The following RBM33 variants were observed in gnomAD, a reference collection of about 807,000 sequenced individuals.
RBM33 encodes RNA-binding protein 33.
Under a neutral mutation model 132.6 loss-of-function variants are expected in RBM33, and 28 were observed. That is an observed-to-expected ratio of 0.21 (90% CI 0.16 to 0.29). RBM33 has a LOEUF of 0.29. RBM33 is among the 10% of genes least tolerant of loss of function. The pLI is 1.00. For synonymous variants in RBM33, 634 were observed against 593.0 expected, an observed-to-expected ratio of 1.07 and a Z score of -1.01; for missense variants, 1,291 against 1,518.5, an observed-to-expected ratio of 0.85 and a Z score of 2.49.
rs1802735755 is a variant in RBM33, at chr7:155,779,368, G to A, written c.*4327G>A. On this transcript the variant is annotated 3_prime_UTR_variant, in exon 18 of 18. Transcript: ENST00000401878. Reference sequence around the variant, plus strand: ...CGGAGGCACCCGACTACCACCACTCGGAAAGCCGCTAGTCCAGATCGACTA... The same window carrying A: ...CGGAGGCACCCGACTACCACCACTCAGAAAGCCGCTAGTCCAGATCGACTA... 2.6e-5 allele frequency: 4 copies of A among 152,110 alleles called. No homozygotes were observed. Among genetic ancestry groups the A allele is most frequent in the Admixed American group, 2.0e-4 (3 of 15,268 alleles). The allele number at this position is 152,110 out of a possible 1,614,324, so 9.4% of individuals were successfully genotyped here.
At chr7:155,669,529 T>A (rs1238365827) in intron 2 of RBM33, among the ~76,000 whole-genome samples, 1 of 152,154 alleles carries the variant, frequency 6.6e-6, no homozygotes, top group African/African-American at 2.4e-5. Context: ...ATATTTATAT[T>A]TTTAGTAGAG....
chr7:155,659,376 T>C (rs917485722), intron 1 of RBM33, among the ~76,000 whole-genome samples: 2 of 152,036 alleles, frequency 1.3e-5, no homozygotes, highest in Admixed American at 1.3e-4. Context: ...TGGAGAATGA[T>C]ATATGAAGAA....
At chr7:155,672,962 A>G (rs1020663434) in intron 3 of RBM33, 47 bp downstream of exon 3, 2 of 1,279,036 alleles carry the variant, frequency 1.6e-6, no homozygotes, top group Admixed American at 2.1e-5. Context: ...TCATTTAATT[A>G]TACTTAACAT....
intron 5 of RBM33, among the ~76,000 whole-genome samples, chr7:155,695,420 G>A (rs906337874): frequency 2.0e-5 from 3 of 151,872 alleles, no homozygotes; most frequent in African/African-American, 4.8e-5. Context: ...TTACATATTC[G>A]TATTATAAAT....
chr7:155,644,850 GGCTGAAGGCCGGGCCCC>G lies in RBM33; in HGVS notation c.-24_-8del, dbSNP rs1478229883. The G allele has an allele frequency of 6.8e-7, 1 of 1,477,740 alleles. No individual in the cohort carries two copies. Among genetic ancestry groups the G allele is most frequent in the Admixed American group, 2.2e-5 (1 of 45,028 alleles). 91.5% of individuals were successfully genotyped at this position (1,477,740 alleles called of 1,614,324 possible). ...GCCCACCAGCTGGCTTGGTGGGGGA[GGCTGAAGGCCGGGCCCC>G]GCGAGTGCCATGGCGGCCGCCCTGG... On this transcript the variant is annotated 5_prime_UTR_variant, in exon 1 of 18. Transcript: ENST00000401878.
chr7:155,716,319 T>TTTTTTTTTTTG (rs1800462013), intron 8 of RBM33, among the ~76,000 whole-genome samples: 1 of 146,720 alleles, frequency 6.8e-6, no homozygotes, highest in African/African-American at 2.5e-5. Flanking sequence ...TTCTGCTGTT[T>TTTTTTTTTTTG]TTTTTTTTTT....
chr7:155,693,223 T>C (rs1276888156), intron 5 of RBM33, among the ~76,000 whole-genome samples: 1 of 152,224 alleles, frequency 6.6e-6, no homozygotes, highest in Non-Finnish European at 1.5e-5. Flanking sequence ...TCTTTTTCCT[T>C]TTTAAATATG....
At position 155,775,069 on chromosome 7, in the gene RBM33, C is replaced by G. The variant is rs1194992463; in HGVS notation, c.*28C>G. ...CCTAACAAGAGAGCCTGACCTTAGG[C>G]TGTACACACACTGTGGAATTTCTTC... On this transcript the variant is annotated 3_prime_UTR_variant, in exon 18 of 18. Transcript: ENST00000401878. 1.3e-6 allele frequency: 2 copies of G among 1,597,100 alleles called. No homozygotes were observed. Among genetic ancestry groups the G allele is most frequent in the Non-Finnish European group, 1.7e-6 (2 of 1,164,542 alleles).
chr7:155,759,235 A>C (rs995645001), intron 14 of RBM33, among the ~76,000 whole-genome samples: 41 of 152,164 alleles, frequency 2.7e-4, no homozygotes, highest in Admixed American at 3.3e-4. Context: ...AATAGAGATC[A>C]AGCCTACTTA....
intron 1 of RBM33, among the ~76,000 whole-genome samples, chr7:155,652,235 G>T (rs781319999): frequency 2.6e-5 from 4 of 152,152 alleles, no homozygotes; most frequent in Non-Finnish European, 5.9e-5. Context: ...TTCTGTAAAG[G>T]GTCAGATAGT....
At chr7:155,747,266 C>T (rs1801547528) in intron 14 of RBM33, among the ~76,000 whole-genome samples, 1 of 152,204 alleles carries the variant, frequency 6.6e-6, no homozygotes, top group African/African-American at 2.4e-5. Flanking sequence ...TCAGTTTCTT[C>T]AGTGTTTATG....
At chr7:155,688,655 A>G (rs1197495503) in intron 5 of RBM33, among the ~76,000 whole-genome samples, 3 of 152,202 alleles carry the variant, frequency 2.0e-5, no homozygotes, top group Non-Finnish European at 4.4e-5. Flanking sequence ...CGTCCCATCA[A>G]TACCTAATTT....
intron 13 of RBM33, among the ~76,000 whole-genome samples, chr7:155,744,483 A>G (rs902944693): frequency 2.0e-5 from 3 of 152,184 alleles, no homozygotes; most frequent in Non-Finnish European, 4.4e-5. Flanking sequence ...ATTATAACCA[A>G]TTATTCTGTG....
At chr7:155,725,227 ATGAG>A (rs780405943) in intron 9 of RBM33, among the ~76,000 whole-genome samples, 1 of 127,326 alleles carries the variant, frequency 7.9e-6, no homozygotes, top group Non-Finnish European at 1.6e-5. Flanking sequence ...TTTTTTTTGA[ATGAG>A]GAAGTACGGT....
In RBM33 at chr7:155,672,898, T is replaced by G. The variant is rs1798983871; in HGVS notation, c.154T>G (p.Leu52Val). 1.3e-6 allele frequency: 2 copies of G among 1,549,832 alleles called. No individual in the cohort carries two copies. The highest frequency in any genetic ancestry group is 2.7e-5 in the African/African-American group (2 of 73,182). The change falls in exon 3 of 18, where the codon TTG (leucine) becomes GTG (valine). Residue 52 changes from leucine (L) to valine (V), a missense_variant. By Grantham distance (32) the Leu-to-Val change is conservative. This residue lies in a region of RBM33 where 194 missense variants were observed against 249.8 expected (regional missense o/e 0.78). Transcript: ENST00000401878. ...TGAAGATGATTTACTTGGAGAAGAT[T>G]TGCTATCTGGCAAAAAGGTAAGAAG... ...ELEDDLLGED[L>V]LSGKKNQSDL...
At chr7:155,722,758 G>C (rs1391569320) in intron 9 of RBM33, among the ~76,000 whole-genome samples, 1 of 152,114 alleles carries the variant, frequency 6.6e-6, no homozygotes, top group Non-Finnish European at 1.5e-5. Flanking sequence ...TTGTGAAAAA[G>C]TGCTGAGCTA....
intron 12 of RBM33, among the ~76,000 whole-genome samples, chr7:155,740,929 G>C (rs1427865885): frequency 6.6e-6 from 1 of 152,184 alleles, no homozygotes; most frequent in Non-Finnish European, 1.5e-5. Flanking sequence ...GTGGTCAGTG[G>C]TCAGGGTTCT....
At chr7:155,773,933 G>A (rs1475861947) in intron 16 of RBM33, among the ~76,000 whole-genome samples, 3 of 152,122 alleles carry the variant, frequency 2.0e-5, no homozygotes, top group Non-Finnish European at 4.4e-5. Flanking sequence ...CTTTTTCACT[G>A]GCATTGTTTT....
chr7:155,709,542 T>C (rs1187554858), intron 7 of RBM33, among the ~76,000 whole-genome samples: 2 of 152,216 alleles, frequency 1.3e-5, no homozygotes, highest in Non-Finnish European at 2.9e-5. Flanking sequence ...CCTGTACCTC[T>C]CCAGACACAT....
Sources: gnomAD v4.1 joint callset for allele counts (sites outside exome capture counted in the v4.1 genomes callset) on GRCh38, gnomAD v4.1.1 for gene constraint, gnomAD v4.1.1 regional missense constraint, MANE v1.5 for transcripts, NCBI Gene and HGNC (gene_info 2026-07-23, HGNC 2026-07-21) for gene names.